Variants in SPHKAP observed in about 807,000 individuals in gnomAD.
SPHKAP encodes A-kinase anchor protein SPHKAP.
SPHKAP carries 67 observed loss-of-function variants against 137.5 expected under a neutral mutation model. The observed-to-expected ratio is 0.49, with a 90% CI of 0.40 to 0.60. SPHKAP has a LOEUF of 0.60. SPHKAP is among the 20% of genes least tolerant of loss of function. The probability of loss-of-function intolerance (pLI) is 0.00; values close to 1 mark genes in which losing one functional copy is unlikely to be tolerated. For missense variants in SPHKAP, 2,097 were observed against 2,069.3 expected (o/e 1.01, Z -0.26); for synonymous variants, 813 against 785.3 (o/e 1.04, Z -0.59).
chr2:227,989,352 G>GT (rs1166690123), intron 11 of SPHKAP, among the ~76,000 whole-genome samples: 1 of 152,122 alleles, frequency 6.6e-6, no homozygotes, highest in Admixed American at 6.5e-5. Flanking sequence ...TATCTGTTCT[G>GT]TTTTTTCACA....
intron 5 of SPHKAP, among the ~76,000 whole-genome samples, chr2:228,023,784 C>G (rs138669363): frequency 1.3e-5 from 2 of 152,158 alleles, no homozygotes; most frequent in Admixed American, 6.5e-5. Flanking sequence ...GTGATTCACA[C>G]GGAGTTGATT....
intron 1 of SPHKAP, among the ~76,000 whole-genome samples, chr2:228,174,044 T>G (rs13015543): frequency 6.6e-6 from 1 of 152,326 alleles, no homozygotes; most frequent in Middle Eastern, 3.4e-3. Flanking sequence ...GGTGTGCAGG[T>G]AGAGGCTTTA....
chr2:227,990,881 A>G, intron 11 of SPHKAP, 119 bp downstream of exon 11: 9 of 1,017,396 alleles, frequency 8.8e-6, no homozygotes, highest in Non-Finnish European at 1.3e-5. Context: ...CAATTTTAAG[A>G]TCAAGAACAG....
chr2:228,171,959 T>C (rs1340320021), intron 1 of SPHKAP, among the ~76,000 whole-genome samples: 1 of 152,164 alleles, frequency 6.6e-6, no homozygotes, highest in Non-Finnish European at 1.5e-5. Context: ...TCATTGTTTA[T>C]CTTGAAAATT....
chr2:228,064,126 T>C (rs1184149000), intron 3 of SPHKAP, among the ~76,000 whole-genome samples: 1 of 152,178 alleles, frequency 6.6e-6, no homozygotes. Context: ...AGTAGTAGAA[T>C]CTAAAAATGA....
chr2:227,994,505 C>T (rs900642257), intron 8 of SPHKAP, among the ~76,000 whole-genome samples: 2 of 152,216 alleles, frequency 1.3e-5, no homozygotes, highest in East Asian at 1.9e-4. Context: ...GGTGGTGCGT[C>T]GTGTAGTGGG....
chr2:228,075,794 C>G (rs1000173846), intron 3 of SPHKAP, among the ~76,000 whole-genome samples: 2 of 152,084 alleles, frequency 1.3e-5, no homozygotes, highest in Admixed American at 6.5e-5. Flanking sequence ...GGAAAGAAAG[C>G]CTTTACTAAA....
chr2:228,177,715 A>C (rs1700783394), intron 1 of SPHKAP, among the ~76,000 whole-genome samples: 1 of 152,154 alleles, frequency 6.6e-6, no homozygotes, highest in Admixed American at 6.5e-5. Context: ...TGAGGGGTAA[A>C]ATCTTGAGAT....
intron 1 of SPHKAP, among the ~76,000 whole-genome samples, chr2:228,157,863 A>C (rs995379602): frequency 3.3e-5 from 5 of 152,186 alleles, no homozygotes; most frequent in African/African-American, 1.2e-4. Flanking sequence ...AAGTTGGATA[A>C]TTATGAGTCT....
At chr2:228,037,333 A>G (rs1377858023) in intron 3 of SPHKAP, among the ~76,000 whole-genome samples, 1 of 152,212 alleles carries the variant, frequency 6.6e-6, no homozygotes, top group Non-Finnish European at 1.5e-5. Flanking sequence ...TAAGTTTTAC[A>G]TGTCTGATGA....
chr2:228,116,023 G>A (rs1698699165), intron 2 of SPHKAP, among the ~76,000 whole-genome samples: 2 of 152,110 alleles, frequency 1.3e-5, no homozygotes, highest in Non-Finnish European at 2.9e-5. Context: ...TGGAGAATGA[G>A]CCTTCATCAG....
At chr2:228,167,571 C>T (rs572382186) in intron 1 of SPHKAP, among the ~76,000 whole-genome samples, 200 of 152,116 alleles carry the variant, frequency 1.3e-3, no homozygotes, top group Non-Finnish European at 2.5e-3. Context: ...TTATTTTTAT[C>T]TGAGTTTTAT....
chr2:228,171,734 C>T (rs1232078577), intron 1 of SPHKAP, among the ~76,000 whole-genome samples: 2 of 152,112 alleles, frequency 1.3e-5, no homozygotes, highest in African/African-American at 2.4e-5. Flanking sequence ...TAATTGGACC[C>T]ACACACTGTT....
At chr2:227,995,365 G>T in intron 8 of SPHKAP, 144 bp downstream of exon 8, 1 of 894,318 alleles carries the variant, frequency 1.1e-6, no homozygotes, top group Non-Finnish European at 1.8e-6. Context: ...TGACAGGCAG[G>T]CCCCTCGACA....
At chr2:228,160,983 G>C (rs1476204762) in intron 1 of SPHKAP, among the ~76,000 whole-genome samples, 1 of 152,194 alleles carries the variant, frequency 6.6e-6, no homozygotes, top group Non-Finnish European at 1.5e-5. Flanking sequence ...GTAGATGCAA[G>C]AGTGACAAAA....
intron 3 of SPHKAP, among the ~76,000 whole-genome samples, chr2:228,041,716 G>T (rs1695857581): frequency 2.0e-5 from 3 of 151,722 alleles, no homozygotes; most frequent in Admixed American, 2.0e-4. Flanking sequence ...TCACTAGAGG[G>T]TATAACCTTG....
intron 3 of SPHKAP, among the ~76,000 whole-genome samples, chr2:228,061,251 ATTT>A (rs1229967726): frequency 1.6e-5 from 2 of 127,128 alleles, no homozygotes; most frequent in African/African-American, 5.7e-5. Context: ...TATCATTATT[ATTT>A]TATTTTATTT....
At chr2:228,074,377 C>T (rs1399438417) in intron 3 of SPHKAP, among the ~76,000 whole-genome samples, 1 of 152,158 alleles carries the variant, frequency 6.6e-6, no homozygotes, top group East Asian at 1.9e-4. Context: ...TTAATTGACT[C>T]ACAGTTCCAC....
At chr2:228,026,462 G>A (rs1695037435) in intron 4 of SPHKAP, among the ~76,000 whole-genome samples, 2 of 152,056 alleles carry the variant, frequency 1.3e-5, no homozygotes, top group African/African-American at 4.8e-5. Flanking sequence ...TTATACACAA[G>A]CAGCCTCAGG....
Sources: gnomAD v4.1 joint callset for allele counts (sites outside exome capture counted in the v4.1 genomes callset) on GRCh38, gnomAD v4.1.1 for gene constraint, MANE v1.5 for transcripts, NCBI Gene and HGNC (gene_info 2026-07-23, HGNC 2026-07-21) for gene names.